Variants in MAB21L3 observed in about 807,000 individuals in gnomAD.
The protein encoded by MAB21L3 is protein mab-21-like 3.
MAB21L3 carries 36 observed loss-of-function variants against 37.7 expected under a neutral mutation model. The ratio of observed to expected loss-of-function variants is 0.96; its 90% confidence interval spans 0.73 to 1.26. The LOEUF is 1.26. Among genes scored for constraint, MAB21L3 ranks in the 50% most tolerant of loss-of-function variants. The pLI, the probability that MAB21L3 is intolerant of heterozygous loss-of-function variation, is 0.00. For synonymous variants in MAB21L3, 186 were observed against 176.8 expected, an observed-to-expected ratio of 1.05 and a Z score of -0.41; for missense variants, 430 against 447.3, an observed-to-expected ratio of 0.96 and a Z score of 0.35.
rs768952143 is a variant in MAB21L3, at chr1:116,133,875, G to C, written c.*510G>C. On this transcript the variant is annotated 3_prime_UTR_variant, in exon 8 of 8. Transcript: ENST00000369500. Reference sequence around the variant, plus strand: ...GCGCCTTTTCAAGGGGAAGGCATTGGATCAACACAAAGTGTTCCTGGTTGG... The same window carrying C: ...GCGCCTTTTCAAGGGGAAGGCATTGCATCAACACAAAGTGTTCCTGGTTGG... 5 of 168,740 alleles carry C rather than the reference G, an allele frequency of 3.0e-5. No individual in the cohort carries two copies. Among genetic ancestry groups the C allele is most frequent in the Non-Finnish European group, 6.4e-5 (5 of 77,774 alleles). 10.5% of individuals were successfully genotyped at this position (168,740 alleles called of 1,614,324 possible).
chr1:116,129,614 T>C (rs1660012639), intron 7 of MAB21L3, among the ~76,000 whole-genome samples: 1 of 152,240 alleles, frequency 6.6e-6, no homozygotes, highest in African/African-American at 2.4e-5. Context: ...GAAGGACAGA[T>C]ACCACATTGA....
chr1:116,121,085 T>C lies in MAB21L3; in HGVS notation c.189+13T>C, dbSNP rs2101612153. The C allele has an allele frequency of 6.2e-7, 1 of 1,611,124 alleles. No individual in the cohort carries two copies. The highest frequency in any genetic ancestry group is 8.5e-7 in the Non-Finnish European group (1 of 1,178,298). ...TGAAAATATTAAGGTAAGCAAGTCTTGCTGTCTCTAAGTGCCACCAACAGA... is the reference window on the plus strand; with the variant it reads ...TGAAAATATTAAGGTAAGCAAGTCTCGCTGTCTCTAAGTGCCACCAACAGA... On this transcript the variant is annotated intron_variant, in intron 4 of 7. Transcript: ENST00000369500.
At chr1:116,113,765 G>A (rs1146357) in intron 3 of MAB21L3, among the ~76,000 whole-genome samples, 2,067 of 152,210 alleles carry the variant, frequency 0.014, 53 homozygotes, top group African/African-American at 0.047. Flanking sequence ...AGAATATTTC[G>A]CAACTACAGG....
In MAB21L3 at chr1:116,112,495, A is replaced by G; in HGVS notation, c.-121A>G. The stretch of plus-strand genomic sequence containing the variant: ...TCTGGTCCATTACACACTTCCAGAA[A>G]AACTTAGTACCCAGAGACTCACATT... On this transcript the variant is annotated 5_prime_UTR_variant, in exon 3 of 8. Transcript: ENST00000369500. 1 of 829,302 alleles carries G rather than the reference A, an allele frequency of 1.2e-6. No individual in the cohort carries two copies. Among genetic ancestry groups the G allele is most frequent in the South Asian group, 1.8e-5 (1 of 56,464 alleles). 51.4% of individuals were successfully genotyped at this position (829,302 alleles called of 1,614,324 possible).
rs574901094 is a variant in MAB21L3 at position 116,120,450 on chromosome 1, T to C, written c.49-482T>C. On this transcript the variant is annotated intron_variant, in intron 3 of 7. Coordinates refer to ENST00000369500, the MANE Select transcript of MAB21L3 (RefSeq NM_152367.3). ...ACACACAAACACACACACACACACA[T>C]ATATATATACAGGAATACATATATA... Among the ~76,000 whole-genome samples the C allele has an allele frequency of 5.2e-3, 677 of 129,770 alleles. 6 individuals are homozygous for C. Among genetic ancestry groups the C allele is most frequent in the African/African-American group, 0.024 (635 of 26,228 alleles). 85.1% of individuals were successfully genotyped at this position (129,770 alleles called of 152,430 possible). A position where few individuals can be genotyped will look rare whatever the true frequency, so the allele number is the denominator to read the frequency against.
At chr1:116,121,466 G>A (rs566850666) in intron 4 of MAB21L3, among the ~76,000 whole-genome samples, 3 of 152,246 alleles carry the variant, frequency 2.0e-5, no homozygotes, top group African/African-American at 7.2e-5. Context: ...AGTCATATCA[G>A]GCACTAAAGC....
chr1:116,114,968 G>A (rs182205754), intron 3 of MAB21L3, among the ~76,000 whole-genome samples: 35 of 152,322 alleles, frequency 2.3e-4, no homozygotes, highest in Admixed American at 2.0e-3. Context: ...CATTCAAGGT[G>A]TATTTCATTC....
At chr1:116,118,378 CAAA>C (rs71686471) in intron 3 of MAB21L3, among the ~76,000 whole-genome samples, 1 of 143,482 alleles carries the variant, frequency 7.0e-6, no homozygotes, top group Non-Finnish European at 1.5e-5. Context: ...GAGAATCCAT[CAAA>C]AAAAAAAAAA....
At position 116,133,452 on chromosome 1, in the gene MAB21L3, C is replaced by T. The variant is rs907489321; in HGVS notation, c.*87C>T. ...TGGTTCCTCAGTCAGGTGCCAGGAT[C>T]CTGCCTAGGAGAAAGGCCACGAATG... On this transcript the variant is annotated 3_prime_UTR_variant, in exon 8 of 8. Transcript: ENST00000369500. The T allele has an allele frequency of 2.4e-6, 3 of 1,261,660 alleles. No individual in the cohort carries two copies. The highest frequency in any genetic ancestry group is 2.4e-5 in the East Asian group (1 of 41,180). The allele number at this position is 1,261,660 out of a possible 1,614,324, so 78.2% of individuals were successfully genotyped here.
chr1:116,131,426 A>C (rs1410994502), intron 7 of MAB21L3, among the ~76,000 whole-genome samples: 1 of 152,280 alleles, frequency 6.6e-6, no homozygotes, highest in East Asian at 1.9e-4. Context: ...AAAGGAAGGC[A>C]GGGACCAAAC....
Position 116,127,539 on chromosome 1 carries a change from G to A in MAB21L3, c.555G>A (p.Leu185=). 6.2e-7 allele frequency: 1 copy of A among 1,614,184 alleles called. No homozygotes were observed. The highest frequency in any genetic ancestry group is 1.1e-5 in the South Asian group (1 of 91,082). The part of the protein sequence containing the change: ...AVETSAYQVE[L]ELVPAVEIPT... ...AAACATCTGCATATCAGGTGGAACTGGAGCTGGTCCCCGCAGTGGAGATCC... is the reference window on the plus strand; with the variant it reads ...AAACATCTGCATATCAGGTGGAACTAGAGCTGGTCCCCGCAGTGGAGATCC... Residue 185 remains leucine, a synonymous_variant, in exon 6 of 8, where the codon CTG becomes CTA. Coordinates refer to ENST00000369500, the MANE Select transcript of MAB21L3 (RefSeq NM_152367.3).
chr1:116,131,967 G>C (rs1337148578), intron 7 of MAB21L3, among the ~76,000 whole-genome samples: 1 of 152,124 alleles, frequency 6.6e-6, no homozygotes, highest in Non-Finnish European at 1.5e-5. Flanking sequence ...GACTGGGGAC[G>C]GTAAGGGAGA....
At chr1:116,112,382 T>A in intron 2 of MAB21L3, 25 bp from the exon 3 acceptor site, 2 of 430,478 alleles carry the variant, frequency 4.6e-6, no homozygotes, top group South Asian at 8.9e-5. Flanking sequence ...CTTTTTAAAT[T>A]CTTTTTTTTT....
Position 116,133,246 on chromosome 1 carries a change from C to T in MAB21L3, c.970C>T (p.Leu324=), listed in dbSNP as rs1660122914. The change falls in exon 8 of 8, where the codon CTG becomes TTG. Residue 324 remains leucine, a synonymous_variant. Transcript: ENST00000369500. ...KLHKCVSQHF[L]KHYFVRNSNL... The stretch of plus-strand genomic sequence containing the variant: ...GCACAAGTGCGTGAGCCAGCACTTC[C>T]TGAAACACTATTTCGTCCGGAACAG... 3.1e-6 allele frequency: 5 copies of T among 1,614,242 alleles called. No homozygotes were observed. The East Asian group carries it at 8.9e-5, about 29-fold the overall frequency.
Position 116,114,838 on chromosome 1 carries a change from G to T in MAB21L3, c.48+2175G>T, listed in dbSNP as rs544439236. On this transcript the variant is annotated intron_variant, in intron 3 of 7. Coordinates refer to ENST00000369500, the MANE Select transcript of MAB21L3 (RefSeq NM_152367.3). ...GCTGGAGGAGCACGGTGCATTAGTTGTGATGGGAAAGGTGTCTTACAGAAA... is the reference window on the plus strand; with the variant it reads ...GCTGGAGGAGCACGGTGCATTAGTTTTGATGGGAAAGGTGTCTTACAGAAA... Among the ~76,000 whole-genome samples, 5 of 152,340 alleles carry T rather than the reference G, an allele frequency of 3.3e-5. No homozygotes were observed. In the East Asian group the frequency reaches 9.6e-4, roughly 29 times the overall value.
chr1:116,133,472 C>A lies in MAB21L3; in HGVS notation c.*107C>A. 1 of 924,562 alleles carries A rather than the reference C, an allele frequency of 1.1e-6. No homozygotes were observed. Among genetic ancestry groups the A allele is most frequent in the Non-Finnish European group, 1.7e-6 (1 of 604,326 alleles). The allele number at this position is 924,562 out of a possible 1,614,324, so 57.3% of individuals were successfully genotyped here. ...AGGATCCTGCCTAGGAGAAAGGCCA[C>A]GAATGGCAGCGGAAATTACATCAAA... is the stretch of plus-strand genomic sequence containing the variant. On this transcript the variant is annotated 3_prime_UTR_variant, in exon 8 of 8. Transcript: ENST00000369500.
rs892582114 is a variant in MAB21L3 at position 116,133,395 on chromosome 1, C to T, written c.*30C>T. On this transcript the variant is annotated 3_prime_UTR_variant, in exon 8 of 8. Transcript: ENST00000369500. ...TGCCCCGGCCTGGGAGGCTCTTGGACATTTTATTCTGGCTTAACATTGTTC... is the reference window on the plus strand; with the variant it reads ...TGCCCCGGCCTGGGAGGCTCTTGGATATTTTATTCTGGCTTAACATTGTTC... The T allele has an allele frequency of 6.3e-7, 1 of 1,584,896 alleles. No homozygotes were observed. Among genetic ancestry groups the T allele is most frequent in the African/African-American group, 1.3e-5 (1 of 74,390 alleles).
chr1:116,120,609 G>A (rs921519014), intron 3 of MAB21L3, among the ~76,000 whole-genome samples: 3 of 151,598 alleles, frequency 2.0e-5, no homozygotes, highest in African/African-American at 4.9e-5. Context: ...TTTTCAGCTA[G>A]AGGGCAAGTA....
At chr1:116,129,241 G>GA (rs1659997333) in intron 7 of MAB21L3, among the ~76,000 whole-genome samples, 1 of 151,962 alleles carries the variant, frequency 6.6e-6, no homozygotes, top group Non-Finnish European at 1.5e-5. Flanking sequence ...GCAGTCAGGG[G>GA]GCCTCCCTGG....
Sources: allele counts gnomAD v4.1 joint callset (sites outside exome capture counted in the v4.1 genomes callset), GRCh38; gene constraint gnomAD v4.1.1; transcripts MANE v1.5; gene names NCBI Gene and HGNC (gene_info 2026-07-23, HGNC 2026-07-21).